The following GABRB3 variants were observed in gnomAD, a reference collection of about 807,000 sequenced individuals.
GABRB3 encodes the protein gamma-aminobutyric acid receptor subunit beta-3.
GABRB3 carries 14 observed loss-of-function variants against 52.1 expected under a neutral mutation model. The ratio of observed to expected loss-of-function variants is 0.27; its 90% CI spans 0.18 to 0.42. The LOEUF (loss-of-function observed/expected upper bound fraction) is 0.42, where lower values mean the gene tolerates loss of function less well. Among genes scored for constraint, GABRB3 ranks in the 10% least tolerant of loss-of-function variants. GABRB3 has a pLI of 1.00. For synonymous variants in GABRB3, 260 were observed against 232.3 expected (o/e 1.12, Z -1.08); for missense variants, 307 against 609.1 (o/e 0.50, Z 5.22).
rs971580156 is a variant in GABRB3 at position 26,729,527 on chromosome 15, C to T, written c.240+42875G>A. 1.3e-4 allele frequency among the ~76,000 whole-genome samples: 20 copies of T among 152,156 alleles called. No individual in the cohort carries two copies. The East Asian group carries it at 3.9e-3, about 29-fold the overall frequency. ...GAGGCCTGCAGACTTTGCACACAAC[C>T]CCTGCAGAAGAAGCCTTTAAGTTAA... On this transcript the variant is annotated intron_variant, in intron 3 of 8. Transcript: ENST00000311550.
chr15:26,585,944 A>G (rs1470999954), intron 4 of GABRB3, among the ~76,000 whole-genome samples: 2 of 152,220 alleles, frequency 1.3e-5, no homozygotes, highest in African/African-American at 2.4e-5. Context: ...ATCTTTATGA[A>G]GAAGAAAAGA....
intron 3 of GABRB3, among the ~76,000 whole-genome samples, chr15:26,660,134 G>A (rs1015271217): frequency 6.6e-6 from 1 of 151,996 alleles, no homozygotes. Flanking sequence ...GGAGTCTGAG[G>A]CAGGAGAATT....
chr15:26,672,099 C>T (rs907293264), intron 3 of GABRB3, among the ~76,000 whole-genome samples: 7 of 151,964 alleles, frequency 4.6e-5, no homozygotes, highest in Admixed American at 4.6e-4. Context: ...TCCCTCCCTC[C>T]TTTTCTTTGC....
At chr15:26,691,891 A>G (rs1888600925) in intron 3 of GABRB3, among the ~76,000 whole-genome samples, 2 of 152,206 alleles carry the variant, frequency 1.3e-5, no homozygotes, top group African/African-American at 4.8e-5. Flanking sequence ...TTCCAGTTTT[A>G]GCATCCTTAA....
intron 3 of GABRB3, among the ~76,000 whole-genome samples, chr15:26,662,826 C>T (rs560522127): frequency 1.3e-5 from 2 of 152,284 alleles, no homozygotes; most frequent in South Asian, 4.1e-4. Context: ...CCAACAGACC[C>T]AACACATCTT....
chr15:26,627,253 T>C (rs574711028), intron 3 of GABRB3, among the ~76,000 whole-genome samples: 1 of 151,748 alleles, frequency 6.6e-6, no homozygotes, highest in South Asian at 2.1e-4. Flanking sequence ...ATTTTCAATG[T>C]ACCTGGTCAC....
chr15:26,635,161 C>T (rs1038389547), intron 3 of GABRB3, among the ~76,000 whole-genome samples: 1 of 151,222 alleles, frequency 6.6e-6, no homozygotes, highest in African/African-American at 2.4e-5. Context: ...ATCATTCTTC[C>T]AAAGATGCTC....
intron 4 of GABRB3, among the ~76,000 whole-genome samples, chr15:26,610,633 G>A (rs1307606121): frequency 3.3e-5 from 5 of 152,152 alleles, no homozygotes; most frequent in Non-Finnish European, 5.9e-5. Context: ...ATGGAGTTAT[G>A]TGATGATCTT....
intron 3 of GABRB3, among the ~76,000 whole-genome samples, chr15:26,665,617 T>A (rs1218416691): frequency 6.6e-6 from 1 of 152,122 alleles, no homozygotes; most frequent in African/African-American, 2.4e-5. Context: ...GGAGCTGGTG[T>A]CAGGTAAAAG....
chr15:26,771,310 T>C (rs981583663), intron 3 of GABRB3, among the ~76,000 whole-genome samples: 3 of 152,170 alleles, frequency 2.0e-5, no homozygotes, highest in Non-Finnish European at 4.4e-5. Flanking sequence ...CTCCAGCCTA[T>C]CTTGATCAGA....
intron 3 of GABRB3, among the ~76,000 whole-genome samples, chr15:26,653,501 T>C (rs1887264911): frequency 6.6e-6 from 1 of 152,086 alleles, no homozygotes; most frequent in African/African-American, 2.4e-5. Context: ...CACTCCCCAC[T>C]CTCTGGTCCC....
intron 3 of GABRB3, among the ~76,000 whole-genome samples, chr15:26,640,418 G>A (rs1893169158): frequency 1.3e-5 from 2 of 152,156 alleles, no homozygotes; most frequent in South Asian, 4.1e-4. Flanking sequence ...TAGGGAGGCT[G>A]AGGCAGGAGA....
rs868212308 is a variant in GABRB3, at chr15:26,639,472, G to C, written c.241-17938C>G. On this transcript the variant is annotated intron_variant, in intron 3 of 8. Transcript: ENST00000311550. The stretch of plus-strand genomic sequence containing the variant: ...CATTTTATTAGGAATTATGAGAATA[G>C]AGATGATTTAATGCATACGAGAGGA... 2.6e-5 allele frequency among the ~76,000 whole-genome samples: 4 copies of C among 152,072 alleles called. 1 individual carries two copies. The Middle Eastern group carries it at 0.014, about 521-fold the overall frequency.
Position 26,772,286 on chromosome 15 carries a change from G to T in GABRB3, c.240+116C>A, listed in dbSNP as rs542676158. On this transcript the variant is annotated intron_variant, in intron 3 of 8. Coordinates refer to ENST00000311550, the MANE Select transcript of GABRB3 (RefSeq NM_000814.6). ...CGCCTGGGAGCGCGGCTCCCTCTGC[G>T]GACCGGGGAAACTCGGCCCCGGCCG... 35 of 901,702 alleles carry T rather than the reference G, an allele frequency of 3.9e-5. No homozygotes were observed. In the Middle Eastern group the frequency reaches 1.3e-3, roughly 32 times the overall value. The allele number at this position is 901,702 out of a possible 1,614,324, so 55.9% of individuals were successfully genotyped here. A position where few individuals can be genotyped will look rare whatever the true frequency, so the allele number is the denominator to read the frequency against.
At chr15:26,554,191 CT>C (rs1567097895) in intron 8 of GABRB3, among the ~76,000 whole-genome samples, 2 of 15,572 alleles carry the variant, frequency 1.3e-4, no homozygotes, top group African/African-American at 3.1e-4. Flanking sequence ...TATATATATA[CT>C]ATATATATAT....
rs1357070249 is a variant in GABRB3 at position 26,773,034 on chromosome 15, T to G, written c.-72A>C. 2 of 1,009,386 alleles carry G rather than the reference T, an allele frequency of 2.0e-6. No homozygotes were observed. The highest frequency in any genetic ancestry group is 1.1e-6 in the Non-Finnish European group (1 of 870,472). 62.5% of individuals were successfully genotyped at this position (1,009,386 alleles called of 1,614,324 possible). On this transcript the variant is annotated 5_prime_UTR_variant, in exon 1 of 9. Transcript: ENST00000311550. The stretch of plus-strand genomic sequence containing the variant: ...CGCGACCCGCAGCCGGGGCTGCTCC[T>G]GCTGCTGCCGCCGCCGCCGCCGCCG...
chr15:26,736,154 T>C (rs1026263873), intron 3 of GABRB3, among the ~76,000 whole-genome samples: 3 of 152,202 alleles, frequency 2.0e-5, no homozygotes, highest in Non-Finnish European at 4.4e-5. Context: ...AGAAGGATAG[T>C]GGCAATTATT....
Position 26,628,842 on chromosome 15 carries a change from C to G in GABRB3, c.241-7308G>C, listed in dbSNP as rs1050204942. 6 of 903,314 alleles carry G rather than the reference C, an allele frequency of 6.6e-6. No homozygotes were observed. In the African/African-American group the frequency reaches 9.9e-5, roughly 15 times the overall value. The allele number at this position is 903,314 out of a possible 1,614,324, so 56.0% of individuals were successfully genotyped here. A position where few individuals can be genotyped will look rare whatever the true frequency, so the allele number is the denominator to read the frequency against. On this transcript the variant is annotated intron_variant, in intron 3 of 8. Coordinates refer to ENST00000311550, the MANE Select transcript of GABRB3 (RefSeq NM_000814.6). ...CCCTAGAGAGACGAAAGGGGGCCAG[C>G]AGAGGCCTGAAACGGCAGTCCTCAA...
At chr15:26,567,296 C>T (rs896941088) in intron 7 of GABRB3, among the ~76,000 whole-genome samples, 11 of 152,154 alleles carry the variant, frequency 7.2e-5, no homozygotes, top group African/African-American at 2.7e-4. Flanking sequence ...AGATGTTAAA[C>T]CTTGCTTTAA....
Sources: gnomAD v4.1 joint callset for allele counts (sites outside exome capture counted in the v4.1 genomes callset) on GRCh38, gnomAD v4.1.1 for gene constraint, MANE v1.5 for transcripts, NCBI Gene and HGNC (gene_info 2026-07-23, HGNC 2026-07-21) for gene names.